The following TRIM61 variants were observed in gnomAD, a reference collection of about 807,000 sequenced individuals.
The protein encoded by TRIM61 is putative tripartite motif-containing protein 61.
In TRIM61, 1 loss-of-function variant was observed where a neutral mutation model predicts 14.2. The ratio of observed to expected loss-of-function variants is 0.07; its 90% CI spans 0.03 to 0.33. The LOEUF (loss-of-function observed/expected upper bound fraction) is 0.33. Ranked by LOEUF, TRIM61 falls within the 10% of genes least tolerant of loss-of-function variation. The pLI is 0.99. For synonymous variants in TRIM61, 8 were observed against 71.6 expected (o/e 0.11, Z 4.49); for missense variants, 19 against 202.2 (o/e 0.09, Z 5.49).
chr4:164,964,001 A>G (rs1010084511), intron 3 of TRIM61, among the ~76,000 whole-genome samples: 2 of 152,022 alleles, frequency 1.3e-5, no homozygotes, highest in African/African-American at 4.8e-5. Flanking sequence ...AATTAAATTT[A>G]TAATATATTA....
intron 3 of TRIM61, among the ~76,000 whole-genome samples, chr4:164,961,260 C>G (rs946226819): frequency 1.4e-5 from 2 of 143,034 alleles, no homozygotes; most frequent in African/African-American, 5.2e-5. Flanking sequence ...CATGCAGAGT[C>G]AGATAGATAA....
Position 164,966,169 on chromosome 4 carries a change from G to A in TRIM61, c.525+3309C>T, listed in dbSNP as rs370356904. On this transcript the variant is annotated intron_variant, in intron 3 of 4. Transcript: ENST00000329314. ...GAATTCAGAAAACTAGACAACTGCA[G>A]GGGACAGTTTGGGAATGAATTAAGG... Among the ~76,000 whole-genome samples, 29 of 152,264 alleles carry A rather than the reference G, an allele frequency of 1.9e-4. No homozygotes were observed. In the East Asian group the frequency reaches 4.4e-3, roughly 23 times the overall value.
At chr4:164,961,971 G>A (rs1199632572) in intron 3 of TRIM61, among the ~76,000 whole-genome samples, 1 of 152,138 alleles carries the variant, frequency 6.6e-6, no homozygotes, top group Non-Finnish European at 1.5e-5. Flanking sequence ...AATGCTTCTA[G>A]GCTATAAACC....
intron 3 of TRIM61, among the ~76,000 whole-genome samples, chr4:164,966,331 G>A (rs943223371): frequency 6.6e-6 from 1 of 152,134 alleles, no homozygotes; most frequent in African/African-American, 2.4e-5. Context: ...ATAAATGTGA[G>A]AAAATATTCT....
At chr4:164,964,395 G>A (rs1025603067) in intron 3 of TRIM61, among the ~76,000 whole-genome samples, 10 of 150,902 alleles carry the variant, frequency 6.6e-5, no homozygotes, top group African/African-American at 2.4e-4. Flanking sequence ...GAGATGGAGA[G>A]CTTTTAAATG....
chr4:164,957,763 A>G (rs1732045767), intron 3 of TRIM61: 1 of 340,024 alleles, frequency 2.9e-6, no homozygotes. Context: ...GATGAAAACA[A>G]AACTTTCAGA....
intron 3 of TRIM61, chr4:164,969,082 T>C: frequency 9.2e-7 from 1 of 1,089,882 alleles, no homozygotes; most frequent in Non-Finnish European, 1.1e-6. Flanking sequence ...AGACTATAAG[T>C]TTACGATGTG....
intron 2 of TRIM61, among the ~76,000 whole-genome samples, chr4:164,971,946 G>C (rs1732376954): frequency 6.6e-6 from 1 of 152,126 alleles, no homozygotes; most frequent in Non-Finnish European, 1.5e-5. Flanking sequence ...GCATGGTTTT[G>C]ACATGTGAAA....
chr4:164,975,100 GC>G (rs1191901382), intron 2 of TRIM61, among the ~76,000 whole-genome samples: 1 of 152,024 alleles, frequency 6.6e-6, no homozygotes, highest in Non-Finnish European at 1.5e-5. Context: ...GGGCATGGTG[GC>G]GCGCCTGTAG....
chr4:164,957,347 C>T lies in TRIM61; in HGVS notation c.526-2251G>A, dbSNP rs149398948. 427 of 1,613,924 alleles carry T rather than the reference C, an allele frequency of 2.6e-4. 4 individuals carry two copies. The highest frequency in any genetic ancestry group is 2.5e-3 in the Middle Eastern group (15 of 6,084). On this transcript the variant is annotated intron_variant, in intron 3 of 4. Transcript: ENST00000329314. ...TGGCAGCATTCCGGCTGTCACGCCACCGAAATTGCCAGGCCACTCCAAGTC... is the reference window on the plus strand; with the variant it reads ...TGGCAGCATTCCGGCTGTCACGCCATCGAAATTGCCAGGCCACTCCAAGTC...
Position 164,970,119 on chromosome 4 carries a change from C to G in TRIM61, c.-117G>C, listed in dbSNP as rs1472451157. The G allele has an allele frequency of 2.0e-6, 2 of 1,019,328 alleles. No individual in the cohort carries two copies. Among genetic ancestry groups the G allele is most frequent in the African/African-American group, 3.1e-5 (2 of 63,682 alleles). 63.1% of individuals were successfully genotyped at this position (1,019,328 alleles called of 1,614,324 possible). Reference sequence around the variant, plus strand: ...TACTCCCCAGACCTTGAAATCTGATCAACTATCAGTTTTACTGACTTGGCA... The same window carrying G: ...TACTCCCCAGACCTTGAAATCTGATGAACTATCAGTTTTACTGACTTGGCA... On this transcript the variant is annotated 5_prime_UTR_variant, in exon 3 of 5. Transcript: ENST00000329314.
chr4:164,974,759 T>C (rs1249603645), intron 2 of TRIM61, among the ~76,000 whole-genome samples: 1 of 152,106 alleles, frequency 6.6e-6, no homozygotes, highest in Non-Finnish European at 1.5e-5. Context: ...TACTGTCTCT[T>C]ACAAACCACT....
chr4:164,964,211 G>A (rs1389917859), intron 3 of TRIM61, among the ~76,000 whole-genome samples: 2 of 151,744 alleles, frequency 1.3e-5, no homozygotes, highest in African/African-American at 4.8e-5. Flanking sequence ...CGCCGGGCTT[G>A]GTGGTGGGCG....
intron 3 of TRIM61, among the ~76,000 whole-genome samples, chr4:164,964,879 AAT>A (rs1403425237): frequency 2.6e-5 from 4 of 152,216 alleles, no homozygotes; most frequent in African/African-American, 4.8e-5. Context: ...TAGATCCTCG[AAT>A]ATATCAGTTG....
At chr4:164,957,610 C>A (rs758874586) in intron 3 of TRIM61, 9 of 1,138,458 alleles carry the variant, frequency 7.9e-6, no homozygotes, top group Non-Finnish European at 8.6e-6. Context: ...ACTAAAAATA[C>A]ATGAATGCTA....
intron 3 of TRIM61, among the ~76,000 whole-genome samples, chr4:164,967,885 C>T (rs1413230512): frequency 1.3e-5 from 2 of 150,382 alleles, no homozygotes; most frequent in East Asian, 1.9e-4. Context: ...GGCGTGGTGG[C>T]TCACACCTGT....
intron 3 of TRIM61, among the ~76,000 whole-genome samples, chr4:164,966,515 G>A (rs1164043399): frequency 6.6e-6 from 1 of 152,192 alleles, no homozygotes; most frequent in East Asian, 1.9e-4. Flanking sequence ...GGAGTTCAAA[G>A]TGACTGCCTC....
intron 3 of TRIM61, among the ~76,000 whole-genome samples, chr4:164,960,344 A>G (rs1401742716): frequency 4.6e-5 from 7 of 151,962 alleles, no homozygotes; most frequent in African/African-American, 1.7e-4. Context: ...GGAGTTCAAG[A>G]CCAGCCTTGC....
intron 3 of TRIM61, 148 bp downstream of exon 3, chr4:164,968,133 A>G (rs1434039590): frequency 3.0e-6 from 3 of 983,836 alleles, no homozygotes; most frequent in African/African-American, 3.5e-5. Context: ...AGCCTGGGCA[A>G]CGAAAAAAGG....
Sources: gnomAD v4.1 joint callset for allele counts (sites outside exome capture counted in the v4.1 genomes callset) on GRCh38, gnomAD v4.1.1 for gene constraint, MANE v1.5 for transcripts, NCBI Gene and HGNC (gene_info 2026-07-23, HGNC 2026-07-21) for gene names.